Variants in BCOR observed in about 807,000 individuals in gnomAD.
BCOR encodes the protein BCL6 corepressor, also known as BCL-6 corepressor.
In BCOR, 10 loss-of-function variants were observed where a neutral mutation model predicts 86.7. The observed-to-expected ratio is 0.12, with a 90% confidence interval of 0.07 to 0.20. The LOEUF (loss-of-function observed/expected upper bound fraction) is 0.20, where lower values mean the gene tolerates loss of function less well. Among genes scored for constraint, BCOR ranks in the 10% least tolerant of loss-of-function variants. The pLI, the probability that BCOR is intolerant of heterozygous loss-of-function variation, is 1.00. For missense variants in BCOR, 1,259 were observed against 1,452.1 expected (o/e 0.87, Z 2.16); for synonymous variants, 611 against 609.0 (o/e 1.00, Z -0.05).
chrX:40,061,252 G>A (rs1246516162), intron 10 of BCOR, among the ~76,000 whole-genome samples: 2 of 112,121 alleles, frequency 1.8e-5, no homozygotes, highest in Middle Eastern at 4.6e-3. Flanking sequence ...GTGGGGAGAC[G>A]CACAGGGGCA....
At chrX:40,157,202 C>A (rs1459270430) in intron 1 of BCOR, among the ~76,000 whole-genome samples, 1 of 112,463 alleles carries the variant, frequency 8.9e-6, no homozygotes, top group East Asian at 2.8e-4. Context: ...GGAGAAAACA[C>A]AAAACACATC....
chrX:40,165,446 A>G (rs1938493404), intron 1 of BCOR, among the ~76,000 whole-genome samples: 1 of 112,285 alleles, frequency 8.9e-6, no homozygotes, highest in Admixed American at 9.4e-5. Flanking sequence ...CCTGGTCCGC[A>G]GTGCACAACT....
chrX:40,157,013 G>A (rs1019928300), intron 1 of BCOR, among the ~76,000 whole-genome samples: 2 of 113,704 alleles, frequency 1.8e-5, no homozygotes, highest in Non-Finnish European at 3.7e-5. Flanking sequence ...AGAGGAATTC[G>A]GTGTGCAAAA....
chrX:40,096,640 C>G (rs1936889530), intron 1 of BCOR, among the ~76,000 whole-genome samples: 1 of 112,277 alleles, frequency 8.9e-6, no homozygotes, highest in Admixed American at 9.3e-5. Context: ...TCGCCACACA[C>G]CCTCGCGCAC....
chrX:40,174,335 A>G (rs1177743206), intron 1 of BCOR, among the ~76,000 whole-genome samples: 1 of 111,463 alleles, frequency 9.0e-6, no homozygotes, highest in Non-Finnish European at 1.9e-5. Context: ...TCCCCTTCAC[A>G]GCCTCCGGCC....
At chrX:40,070,067 C>T (rs920877360) in intron 6 of BCOR, among the ~76,000 whole-genome samples, 5 of 111,167 alleles carry the variant, frequency 4.5e-5, no homozygotes, top group Non-Finnish European at 7.5e-5. Context: ...CTCTGTCAGG[C>T]ACCGATGAAC....
intron 1 of BCOR, among the ~76,000 whole-genome samples, chrX:40,085,783 G>A (rs1164542929): frequency 9.0e-6 from 1 of 111,653 alleles, no homozygotes; most frequent in East Asian, 2.8e-4. Context: ...CTTGCCCCAG[G>A]ACGGTCCAGA....
At chrX:40,052,583 G>GTTC (rs1934375197) in intron 14 of BCOR, among the ~76,000 whole-genome samples, 183 bp from the exon 15 acceptor site, 1 of 2,320 alleles carries the variant, frequency 4.3e-4, no homozygotes, top group African/African-American at 1.9e-3. Flanking sequence ...TTTTTTTTTG[G>GTTC]AGACGGAATC....
intron 1 of BCOR, among the ~76,000 whole-genome samples, chrX:40,106,215 C>T (rs1937180238): frequency 8.9e-6 from 1 of 111,868 alleles, no homozygotes; most frequent in East Asian, 2.8e-4. Context: ...CCACCCTCCC[C>T]GACTCTCCTG....
At position 40,062,753 on chromosome X, in the gene BCOR, T is replaced by C. The variant is rs775698427; in HGVS notation, c.4166A>G (p.Asp1389Gly). The C allele has an allele frequency of 3.3e-6, 4 of 1,209,632 alleles. No individual in the cohort carries two copies. Among genetic ancestry groups the C allele is most frequent in the Non-Finnish European group, 4.5e-6 (4 of 893,921 alleles). ...LTGEYYVENA[D>G]GKVTVRRFRK... is the part of the protein sequence containing the mutation. ...GCCGGGGTCAAGAGGTACCTTGCCATCGGCATTCTCCACGTAGTATTCCCC... is the reference window on the plus strand; with the variant it reads ...GCCGGGGTCAAGAGGTACCTTGCCACCGGCATTCTCCACGTAGTATTCCCC... The change falls in exon 9 of 15, where the codon GAT becomes GGT. Residue 1389 changes from aspartate (D) to glycine (G), a missense_variant. By Grantham distance (94) the Asp-to-Gly change is moderately conservative. This residue lies in a region of BCOR where 305 missense variants were observed against 286.1 expected (regional missense o/e 1.07). Coordinates refer to ENST00000378444, the MANE Select transcript of BCOR (RefSeq NM_001123385.2).
At chrX:40,148,934 G>A (rs1445540593) in intron 1 of BCOR, among the ~76,000 whole-genome samples, 1 of 111,294 alleles carries the variant, frequency 9.0e-6, no homozygotes, top group Non-Finnish European at 1.9e-5. Flanking sequence ...CATCTGCATG[G>A]AGGGGAAGGA....
rs889602120 is a variant in BCOR, at chrX:40,064,231, T to C, written c.3502+105A>G. The C allele has an allele frequency of 1.3e-5, 15 of 1,117,247 alleles. No individual in the cohort carries two copies. In the African/African-American group the frequency reaches 2.7e-4, roughly 20 times the overall value. 92.1% of individuals were successfully genotyped at this position (1,117,247 alleles called of 1,213,427 possible). A position where few individuals can be genotyped will look rare whatever the true frequency, so the allele number is the denominator to read the frequency against. ...CCCCACGGCTTCCCCTCACCGACTC[T>C]GTCTACGGGGGCAGCGCGCCGCACA... On this transcript the variant is annotated intron_variant, in intron 7 of 14. Coordinates refer to ENST00000378444, the MANE Select transcript of BCOR (RefSeq NM_001123385.2).
chrX:40,097,557 G>A lies in BCOR; in HGVS notation c.-383C>T, dbSNP rs1401814443. 1.8e-5 allele frequency among the ~76,000 whole-genome samples: 2 copies of A among 110,457 alleles called. No individual in the cohort carries two copies. The highest frequency in any genetic ancestry group is 3.8e-5 in the Non-Finnish European group (2 of 52,195). On this transcript the variant is annotated 5_prime_UTR_variant, in exon 1 of 15. Transcript: ENST00000378444. ...GTGGGGGCGGGGCGGGGCGGGCTCG[G>A]GGCCTCCGGGCAGGTGGCGACAGCC...
rs749560967 is a variant in BCOR, at chrX:40,053,976, T to A, written c.4886A>T (p.Asp1629Val). ...AAACACATCGCTATAGGCATCGTCATCATCATCCTGGTCTTCTGGTCCTGG... is the reference window on the plus strand; with the variant it reads ...AAACACATCGCTATAGGCATCGTCAACATCATCCTGGTCTTCTGGTCCTGG... Reference protein sequence around the residue: ...NPPGPEDQDDDDDAYSDVFEF... With the variant: ...NPPGPEDQDDVDDAYSDVFEF... The change falls in exon 14 of 15, where the codon GAT (aspartate) becomes GTT (valine). Residue 1629 changes from aspartate to valine, a missense_variant. By Grantham distance (152) the Asp-to-Val change is radical. Transcript: ENST00000378444. 8.3e-7 allele frequency: 1 copy of A among 1,211,483 alleles called. No individual in the cohort carries two copies. Among genetic ancestry groups the A allele is most frequent in the Non-Finnish European group, 1.1e-6 (1 of 895,218 alleles).
chrX:40,088,128 AAAAC>A lies in BCOR; in HGVS notation c.-41+9083_-41+9086del, dbSNP rs1713145568. ...CCACCTTCAGCCTCGGTGGCTGGAC[AAAAC>A]AAACAGATCCTCGAAAACAATCAGT... On this transcript the variant is annotated intron_variant, in intron 1 of 14. Transcript: ENST00000378444. Among the ~76,000 whole-genome samples the A allele has an allele frequency of 3.6e-5, 4 of 112,129 alleles. No homozygotes were observed. The South Asian group carries it at 1.1e-3, about 31-fold the overall frequency.
At chrX:40,148,311 C>T (rs1938103872) in intron 1 of BCOR, among the ~76,000 whole-genome samples, 2 of 111,839 alleles carry the variant, frequency 1.8e-5, no homozygotes, top group Admixed American at 1.9e-4. Context: ...CGGCCCCACC[C>T]CCGCGGGCTC....
intron 1 of BCOR, among the ~76,000 whole-genome samples, chrX:40,160,914 A>G (rs913245271): frequency 9.4e-6 from 1 of 106,513 alleles, no homozygotes; most frequent in African/African-American, 3.4e-5. Flanking sequence ...AGCTCAGGCA[A>G]TCTGCCCACC....
rs183460822 is a variant in BCOR, at chrX:40,120,776, A to G, written c.-40-42807T>C. ...AGATGGGCGATAAGCAATAAAGGTA[A>G]GAGGTCACAAAATTACCATGGATGG... On this transcript the variant is annotated intron_variant, in intron 1 of 14. Transcript: ENST00000342274. Among the ~76,000 whole-genome samples the G allele has an allele frequency of 5.3e-5, 6 of 112,479 alleles. No individual in the cohort carries two copies. In the Admixed American group the frequency reaches 5.7e-4, roughly 11 times the overall value.
intron 1 of BCOR, among the ~76,000 whole-genome samples, chrX:40,164,512 T>TA (rs1938476254): frequency 8.9e-6 from 1 of 112,242 alleles, no homozygotes; most frequent in Non-Finnish European, 1.9e-5. Context: ...GAAATCCCTG[T>TA]AGGACAGTGA....
Sources: allele counts gnomAD v4.1 joint callset (sites outside exome capture counted in the v4.1 genomes callset), GRCh38; gene constraint gnomAD v4.1.1; regional missense constraint gnomAD v4.1.1; transcripts MANE v1.5; gene names NCBI Gene and HGNC (gene_info 2026-07-23, HGNC 2026-07-21).